The following CREBBP variants were observed in gnomAD, a reference collection of about 807,000 sequenced individuals.
The protein encoded by CREBBP is CREB binding lysine acetyltransferase, also known as CREB-binding protein.
In CREBBP, 19 loss-of-function variants were observed where a neutral mutation model predicts 265.0. The ratio of observed to expected loss-of-function variants is 0.07; its 90% CI spans 0.05 to 0.11. The LOEUF (loss-of-function observed/expected upper bound fraction) is 0.11. Ranked by LOEUF, CREBBP falls within the 10% of genes least tolerant of loss-of-function variation. CREBBP has a pLI of 1.00. For missense variants in CREBBP, 2,525 were observed against 3,219.0 expected (o/e 0.78, Z 5.22); for synonymous variants, 1,457 against 1,223.7 (o/e 1.19, Z -3.98).
chr16:3,737,142 A>C (rs1278258385), intron 26 of CREBBP: 3 of 459,242 alleles, frequency 6.5e-6, no homozygotes, highest in African/African-American at 5.9e-5. Context: ...CCTCCTGTGC[A>C]CTGTAAAGGC....
intron 8 of CREBBP, among the ~76,000 whole-genome samples, chr16:3,780,383 A>G (rs1055837796): frequency 1.3e-5 from 2 of 152,158 alleles, no homozygotes; most frequent in Admixed American, 6.5e-5. Context: ...ACTACAAAAT[A>G]AGGTGAGGCT....
At chr16:3,754,732 G>A (rs2052550061) in intron 19 of CREBBP, among the ~76,000 whole-genome samples, 1 of 152,106 alleles carries the variant, frequency 6.6e-6, no homozygotes, top group African/African-American at 2.4e-5. Flanking sequence ...TTTCAAATTT[G>A]CAAAGTATGA....
At chr16:3,748,753 G>A (rs1025479313) in intron 21 of CREBBP, among the ~76,000 whole-genome samples, 1 of 152,202 alleles carries the variant, frequency 6.6e-6, no homozygotes, top group Non-Finnish European at 1.5e-5. Flanking sequence ...TTGGGGACCT[G>A]GGAAGAGGCT....
At chr16:3,836,854 G>A (rs2054462336) in intron 2 of CREBBP, among the ~76,000 whole-genome samples, 1 of 152,120 alleles carries the variant, frequency 6.6e-6, no homozygotes, top group African/African-American at 2.4e-5. Context: ...AAATTCCAAT[G>A]GCCTAGTGAC....
intron 15 of CREBBP, among the ~76,000 whole-genome samples, chr16:3,768,286 C>T (rs73493539): frequency 0.03 from 4,531 of 151,376 alleles, 217 homozygotes; most frequent in African/African-American, 0.1. Context: ...GCTGGGATTA[C>T]ACGTGTGTGC....
chr16:3,781,453 C>T, intron 6 of CREBBP, 147 bp from the exon 7 acceptor site: 1 of 664,298 alleles, frequency 1.5e-6, no homozygotes, highest in Admixed American at 2.2e-5. Flanking sequence ...AGCACTGCGG[C>T]AGGAACTCTG....
At chr16:3,818,168 C>A (rs2054073014) in intron 2 of CREBBP, among the ~76,000 whole-genome samples, 1 of 152,180 alleles carries the variant, frequency 6.6e-6, no homozygotes, top group African/African-American at 2.4e-5. Context: ...AGGGGGCCAC[C>A]ATGTGACCAA....
chr16:3,786,652 C>A (rs1053965155), intron 5 of CREBBP, among the ~76,000 whole-genome samples: 3 of 152,118 alleles, frequency 2.0e-5, no homozygotes, highest in Admixed American at 1.3e-4. Flanking sequence ...ACAGTGCTTG[C>A]GGGAGGCGAA....
chr16:3,771,046 C>T (rs149631043), intron 13 of CREBBP, 60 bp from the exon 14 acceptor site: 20,144 of 1,590,406 alleles, frequency 0.013, 168 homozygotes, highest in Non-Finnish European at 0.015. Context: ...TGTGATGAAA[C>T]ATTTGAAAAA....
At chr16:3,748,031 G>C (rs559295951) in intron 21 of CREBBP, among the ~76,000 whole-genome samples, 1 of 152,110 alleles carries the variant, frequency 6.6e-6, no homozygotes, top group East Asian at 1.9e-4. Flanking sequence ...CGGAGGTTGC[G>C]GTGAGCTGAG....
chr16:3,793,525 A>G lies in CREBBP; in HGVS notation c.1077T>C (p.Val359=), dbSNP rs776512061. The G allele has an allele frequency of 6.2e-7, 1 of 1,614,228 alleles. No individual in the cohort carries two copies. The highest frequency in any genetic ancestry group is 1.7e-5 in the Admixed American group (1 of 60,028). Residue 359 remains valine (V), a synonymous_variant, in exon 4 of 31, where the codon GTT becomes GTC. Transcript: ENST00000262367. ...EKRKLIQQQL[V]LLLHAHKCQR... ...GACACTTATGAGCATGAAGCAGTAG[A>G]ACCAGCTGCTGCTGTATCAGTTTGC...
rs2141495809 is a variant in CREBBP, at chr16:3,850,835, C to T, written c.260G>A (p.Gly87Glu). 1 of 1,614,200 alleles carries T rather than the reference C, an allele frequency of 6.2e-7. No individual in the cohort carries two copies. The highest frequency in any genetic ancestry group is 1.7e-5 in the Admixed American group (1 of 60,032). ...CACGGGGCTGCTGGCGCTCACATTT[C>T]CTATTCCTGGGTTGATACTAGAGCC... ...GSGSSINPGIGNVSASSPVQQ... is the reference protein window; with the variant it reads ...GSGSSINPGIENVSASSPVQQ... Residue 87 changes from glycine (G) to glutamate (E), a missense_variant, in exon 2 of 31, where the codon GGA becomes GAA. Transcript: ENST00000262367.
intron 14 of CREBBP, among the ~76,000 whole-genome samples, chr16:3,770,133 G>T (rs1165003406): frequency 6.6e-6 from 1 of 152,170 alleles, no homozygotes; most frequent in Non-Finnish European, 1.5e-5. Context: ...GCCTCCCAAA[G>T]TAGTGGGATT....
In CREBBP at chr16:3,728,643, T is replaced by G; in HGVS notation, c.6404A>C (p.Gln2135Pro). 6 of 1,613,670 alleles carry G rather than the reference T, an allele frequency of 3.7e-6. No homozygotes were observed. Among genetic ancestry groups the G allele is most frequent in the Non-Finnish European group, 5.1e-6 (6 of 1,179,888 alleles). ...PGMQPQPGMHQQPSLQNLNAM... is the reference protein window; with the variant it reads ...PGMQPQPGMHPQPSLQNLNAM... ...ATTCAGGTTCTGCAGGCTGGGCTGC[T>G]GGTGCATGCCAGGCTGGGGTTGCAT... Residue 2135 changes from glutamine (Q) to proline (P), a missense_variant, in exon 31 of 31, where the codon CAG (glutamine) becomes CCG (proline). Coordinates refer to ENST00000262367, the MANE Select transcript of CREBBP (RefSeq NM_004380.3). This position sits in a 1 kb window ranked among gnomAD's most constrained non-coding sequence, Gnocchi z 8.7.
At chr16:3,780,362 T>G (rs1210789784) in intron 8 of CREBBP, among the ~76,000 whole-genome samples, 1 of 151,812 alleles carries the variant, frequency 6.6e-6, no homozygotes, top group African/African-American at 2.4e-5. Flanking sequence ...TCTCCACAAC[T>G]AGAATCTGGA....
intron 1 of CREBBP, among the ~76,000 whole-genome samples, chr16:3,857,391 A>G (rs1039932041): frequency 2.0e-5 from 3 of 152,212 alleles, no homozygotes; most frequent in African/African-American, 7.2e-5. Context: ...TTAAAAGGCA[A>G]GATAGGGCGC....
rs376314132 is a variant in CREBBP at position 3,773,759 on chromosome 16, C to T, written c.2455G>A (p.Val819Met). 4.7e-5 allele frequency: 76 copies of T among 1,613,872 alleles called. No individual in the cohort carries two copies. Among genetic ancestry groups the T allele is most frequent in the Middle Eastern group, 3.3e-4 (2 of 6,000 alleles). The part of the protein sequence containing the change: ...GMGQPPAQTG[V>M]SQGQVPGAAL... Reference sequence around the variant, plus strand: ...CCAGTGGGGCACAGTACCTGTGACACGCCTGTTTGGGCTGGCGGCTGCCCC... The same window carrying T: ...CCAGTGGGGCACAGTACCTGTGACATGCCTGTTTGGGCTGGCGGCTGCCCC... Residue 819 changes from valine to methionine, a missense_variant, in exon 13 of 31, where the codon GTG (valine) becomes ATG (methionine). By Grantham distance (21) the Val-to-Met change is conservative. Coordinates refer to ENST00000262367, the MANE Select transcript of CREBBP (RefSeq NM_004380.3).
chr16:3,773,052 C>T (rs1488878872), intron 13 of CREBBP, among the ~76,000 whole-genome samples: 2 of 151,862 alleles, frequency 1.3e-5, no homozygotes, highest in Non-Finnish European at 2.9e-5. Context: ...TACCACTGCA[C>T]TCCAGTCTGG....
intron 23 of CREBBP, chr16:3,742,854 T>C (rs939608884): frequency 7.9e-5 from 12 of 152,168 alleles, no homozygotes; most frequent in African/African-American, 2.9e-4. Context: ...ATCTACCGAA[T>C]GCCCACGGGT....
Sources: allele counts gnomAD v4.1 joint callset (sites outside exome capture counted in the v4.1 genomes callset), GRCh38; gene constraint gnomAD v4.1.1; non-coding constraint Gnocchi (gnomAD v3.1); transcripts MANE v1.5; gene names NCBI Gene and HGNC (gene_info 2026-07-23, HGNC 2026-07-21).